The following DNAAF10 variants were observed in gnomAD, a reference collection of about 807,000 sequenced individuals.
The protein encoded by DNAAF10 is dynein axonemal assembly factor 10, also known as WD repeat domain 92.
DNAAF10 carries 28 observed loss-of-function variants against 43.7 expected under a neutral mutation model. The ratio of observed to expected loss-of-function variants is 0.64; its 90% CI spans 0.48 to 0.88. The LOEUF (loss-of-function observed/expected upper bound fraction) is 0.88, where lower values mean the gene tolerates loss of function less well. DNAAF10 is among the 40% of genes least tolerant of loss of function. DNAAF10 has a pLI of 0.00. For synonymous variants in DNAAF10, 156 were observed against 157.3 expected (o/e 0.99, Z 0.06); for missense variants, 403 against 439.1 (o/e 0.92, Z 0.73).
chr2:68,156,376 T>C (rs953230522), intron 1 of DNAAF10, among the ~76,000 whole-genome samples: 1 of 152,186 alleles, frequency 6.6e-6, no homozygotes, highest in South Asian at 2.1e-4. Context: ...GCACTTGTAG[T>C]CTATTACAAC....
intron 5 of DNAAF10, among the ~76,000 whole-genome samples, chr2:68,138,533 C>A (rs1428007096): frequency 6.6e-6 from 1 of 152,202 alleles, no homozygotes; most frequent in African/African-American, 2.4e-5. Flanking sequence ...CAACGCTGTG[C>A]AAACCACATG....
At position 68,130,682 on chromosome 2, in the gene DNAAF10, A is replaced by C. The variant is rs575833157; in HGVS notation, c.*556T>G. On this transcript the variant is annotated 3_prime_UTR_variant, in exon 8 of 8. Transcript: ENST00000295121. The stretch of plus-strand genomic sequence containing the variant: ...TAGACAACTATTGACTTAGAAATGG[A>C]AGGGAGAGAAAAGAACTGGCCCTGG... The C allele has an allele frequency of 2.0e-5, 3 of 153,236 alleles. No individual in the cohort carries two copies. The South Asian group carries it at 6.2e-4, about 31-fold the overall frequency. The allele number at this position is 153,236 out of a possible 1,614,324, so 9.5% of individuals were successfully genotyped here.
chr2:68,155,765 G>C (rs931941333), intron 1 of DNAAF10, among the ~76,000 whole-genome samples: 1 of 151,742 alleles, frequency 6.6e-6, no homozygotes, highest in African/African-American at 2.4e-5. Flanking sequence ...AAATCAGGAA[G>C]GGCATCATAC....
chr2:68,154,625 T>C (rs1465872311), intron 1 of DNAAF10, among the ~76,000 whole-genome samples: 5 of 152,256 alleles, frequency 3.3e-5, no homozygotes, highest in Non-Finnish European at 7.3e-5. Flanking sequence ...CTAAATGTTC[T>C]ATCGTGGACA....
At chr2:68,154,782 T>G (rs982655331) in intron 1 of DNAAF10, among the ~76,000 whole-genome samples, 6 of 152,150 alleles carry the variant, frequency 3.9e-5, no homozygotes, top group African/African-American at 1.2e-4. Context: ...TTCATTTTAT[T>G]ATTTTTTGAG....
At chr2:68,138,226 G>A (rs1413499977) in intron 5 of DNAAF10, among the ~76,000 whole-genome samples, 3 of 151,524 alleles carry the variant, frequency 2.0e-5, no homozygotes, top group Non-Finnish European at 4.4e-5. Context: ...TTTTCCATTA[G>A]TAAGATCAAC....
At chr2:68,144,054 G>A (rs1286111211) in intron 3 of DNAAF10, among the ~76,000 whole-genome samples, 1 of 152,114 alleles carries the variant, frequency 6.6e-6, no homozygotes, top group African/African-American at 2.4e-5. Flanking sequence ...CTCTATTAAA[G>A]TCATGCAGTA....
At chr2:68,132,207 A>T (rs1054873623) in intron 7 of DNAAF10, among the ~76,000 whole-genome samples, 3 of 152,254 alleles carry the variant, frequency 2.0e-5, no homozygotes, top group Non-Finnish European at 4.4e-5. Context: ...CACTCCTCAG[A>T]AGGCCTTTTA....
intron 1 of DNAAF10, among the ~76,000 whole-genome samples, chr2:68,155,817 C>T (rs186700441): frequency 1.3e-5 from 2 of 152,134 alleles, no homozygotes; most frequent in African/African-American, 2.4e-5. Flanking sequence ...CAACAGGTAG[C>T]CAGGCTTGGT....
chr2:68,147,601 T>G, intron 1 of DNAAF10, 34 bp from the exon 2 acceptor site: 1 of 1,479,610 alleles, frequency 6.8e-7, no homozygotes, highest in Non-Finnish European at 9.3e-7. Context: ...GATATATTAT[T>G]TATGTAAGCA....
intron 2 of DNAAF10, among the ~76,000 whole-genome samples, chr2:68,145,248 A>G (rs1673287508): frequency 6.6e-6 from 1 of 151,976 alleles, no homozygotes. Context: ...AAAAGGAAAA[A>G]AACAACCATG....
rs146275992 is a variant in DNAAF10, at chr2:68,131,265, C to A, written c.1047G>T (p.Leu349=). 2.5e-6 allele frequency: 4 copies of A among 1,613,908 alleles called. No individual in the cohort carries two copies. Among genetic ancestry groups the A allele is most frequent in the Non-Finnish European group, 3.4e-6 (4 of 1,179,988 alleles). The part of the protein sequence containing the change: ...CSSFDQTVRV[L]IVTKLNKI ...AAATTTTATTGAGCTTTGTAACGATCAGTACTCTCACCGTTTGGTCAAATG... is the reference window on the plus strand; with the variant it reads ...AAATTTTATTGAGCTTTGTAACGATAAGTACTCTCACCGTTTGGTCAAATG... The change falls in exon 8 of 8, where the codon CTG becomes CTT. Residue 349 remains leucine (L), a synonymous_variant. Coordinates refer to ENST00000295121, the MANE Select transcript of DNAAF10 (RefSeq NM_138458.4).
chr2:68,137,199 C>G, intron 6 of DNAAF10, 100 bp downstream of exon 6: 1 of 1,350,876 alleles, frequency 7.4e-7, no homozygotes, highest in Non-Finnish European at 9.8e-7. Context: ...TAGCTCCCTT[C>G]ACATAAAGAC....
intron 1 of DNAAF10, among the ~76,000 whole-genome samples, chr2:68,151,286 C>T (rs1673451133): frequency 6.6e-6 from 1 of 152,164 alleles, no homozygotes; most frequent in Admixed American, 6.6e-5. Context: ...GTTCTTCATA[C>T]TTGTCAAGGT....
intron 1 of DNAAF10, among the ~76,000 whole-genome samples, chr2:68,155,311 G>C (rs961641124): frequency 6.6e-6 from 1 of 152,010 alleles, no homozygotes; most frequent in African/African-American, 2.4e-5. Context: ...GACCAACATG[G>C]TGAAACCCCA....
rs754948707 is a variant in DNAAF10, at chr2:68,137,425, G to A, written c.642C>T (p.Ser214=). Residue 214 remains serine (S), a synonymous_variant, in exon 6 of 8, where the codon AGC becomes AGT. Coordinates refer to ENST00000295121, the MANE Select transcript of DNAAF10 (RefSeq NM_138458.4). ...WETNIKNGVC[S]LEFDRKDISM... is the part of the protein sequence containing the mutation. ...TTATGTCTTTTCTGTCAAACTCCAA[G>A]CTACACACCTGAAAACAGAGAATAC... 1.9e-6 allele frequency: 3 copies of A among 1,610,394 alleles called. No homozygotes were observed. In the Admixed American group the frequency reaches 5.0e-5, roughly 27 times the overall value.
intron 7 of DNAAF10, chr2:68,134,141 A>G: frequency 1.0e-6 from 1 of 983,762 alleles, no homozygotes; most frequent in Non-Finnish European, 1.2e-6. Context: ...TCCTTTTCAC[A>G]GGCCAACCCT....
At chr2:68,156,599 T>C (rs1436157550) in intron 1 of DNAAF10, among the ~76,000 whole-genome samples, 1 of 152,236 alleles carries the variant, frequency 6.6e-6, no homozygotes, top group Non-Finnish European at 1.5e-5. Flanking sequence ...ATAAATCCTT[T>C]GAATGTCCTA....
chr2:68,155,427 G>A (rs1453224224), intron 1 of DNAAF10, among the ~76,000 whole-genome samples: 1 of 151,802 alleles, frequency 6.6e-6, no homozygotes, highest in East Asian at 1.9e-4. Flanking sequence ...CTGGGAGGCA[G>A]AGGTTGCAGT....
Sources: gnomAD v4.1 joint callset for allele counts (sites outside exome capture counted in the v4.1 genomes callset) on GRCh38, gnomAD v4.1.1 for gene constraint, MANE v1.5 for transcripts, NCBI Gene and HGNC (gene_info 2026-07-23, HGNC 2026-07-21) for gene names.